The following THSD4 variants were observed in gnomAD, a reference collection of about 807,000 sequenced individuals.
THSD4 encodes the protein thrombospondin type-1 domain-containing protein 4.
Under a neutral mutation model 119.0 loss-of-function variants are expected in THSD4, and 69 were observed. The observed-to-expected ratio is 0.58, with a 90% CI of 0.48 to 0.71. The LOEUF is 0.71. THSD4 is among the 30% of genes least tolerant of loss of function. The pLI, the probability that THSD4 is intolerant of heterozygous loss-of-function variation, is 0.00. For missense variants in THSD4, 1,393 were observed against 1,391.1 expected (o/e 1.00, Z -0.02); for synonymous variants, 524 against 540.4 (o/e 0.97, Z 0.42).
intron 17 of THSD4, among the ~76,000 whole-genome samples, chr15:71,776,649 A>C (rs984516218): frequency 6.6e-6 from 1 of 152,206 alleles, no homozygotes; most frequent in Non-Finnish European, 1.5e-5. Context: ...GCCCAGGCAG[A>C]GGATGGTAAC....
At chr15:71,407,380 C>T (rs928624879) in intron 6 of THSD4, among the ~76,000 whole-genome samples, 4 of 152,136 alleles carry the variant, frequency 2.6e-5, no homozygotes, top group Non-Finnish European at 5.9e-5. Flanking sequence ...TTCTGCTTTC[C>T]GGTTTCCTAA....
chr15:71,604,943 A>G (rs72740639), intron 7 of THSD4, among the ~76,000 whole-genome samples: 2 of 152,088 alleles, frequency 1.3e-5, no homozygotes, highest in Middle Eastern at 3.2e-3. Context: ...TAGGAAATGA[A>G]TGGGGAGTGG....
intron 7 of THSD4, among the ~76,000 whole-genome samples, chr15:71,594,479 G>A (rs2049870101): frequency 1.3e-5 from 2 of 152,128 alleles, no homozygotes; most frequent in Admixed American, 1.3e-4. Flanking sequence ...CTTAGTAGCT[G>A]GGATTTCTGC....
intron 7 of THSD4, among the ~76,000 whole-genome samples, chr15:71,474,001 T>C (rs954075958): frequency 6.6e-6 from 1 of 152,190 alleles, no homozygotes; most frequent in Non-Finnish European, 1.5e-5. Flanking sequence ...CTCTTGATAC[T>C]GACTCCTCAT....
chr15:71,689,502 A>G (rs2051998769), intron 8 of THSD4, among the ~76,000 whole-genome samples: 1 of 152,178 alleles, frequency 6.6e-6, no homozygotes, highest in South Asian at 2.1e-4. Context: ...GCCTCCATAT[A>G]CAGAATAAGC....
At chr15:71,273,354 A>G (rs1159903975) in intron 6 of THSD4, among the ~76,000 whole-genome samples, 1 of 152,228 alleles carries the variant, frequency 6.6e-6, no homozygotes, top group Non-Finnish European at 1.5e-5. Context: ...ACTCAGAAGA[A>G]GAGAGTAGAA....
chr15:71,614,141 T>A (rs1307983532), intron 7 of THSD4, among the ~76,000 whole-genome samples: 1 of 152,216 alleles, frequency 6.6e-6, no homozygotes, highest in Non-Finnish European at 1.5e-5. Flanking sequence ...CATTTTTCTG[T>A]CTGTCCCAGG....
At chr15:71,216,495 C>G (rs1009006136) in intron 4 of THSD4, among the ~76,000 whole-genome samples, 1 of 152,228 alleles carries the variant, frequency 6.6e-6, no homozygotes, top group African/African-American at 2.4e-5. Flanking sequence ...GCCACATGCT[C>G]TTTACCTGGT....
At chr15:71,363,177 T>C (rs546676272) in intron 6 of THSD4, among the ~76,000 whole-genome samples, 1 of 152,298 alleles carries the variant, frequency 6.6e-6, no homozygotes, top group African/African-American at 2.4e-5. Flanking sequence ...ATTGACTATT[T>C]TAGACTGTAG....
chr15:71,603,892 G>A (rs2050059778), intron 7 of THSD4, among the ~76,000 whole-genome samples: 1 of 152,184 alleles, frequency 6.6e-6, no homozygotes, highest in South Asian at 2.1e-4. Flanking sequence ...ATCCAGGCAT[G>A]AGTTAAGGAG....
At chr15:71,242,145 T>C (rs1343821471) in intron 4 of THSD4, among the ~76,000 whole-genome samples, 1 of 152,094 alleles carries the variant, frequency 6.6e-6, no homozygotes, top group Non-Finnish European at 1.5e-5. Flanking sequence ...TTCCATTACG[T>C]AGAAAAGCTC....
At chr15:71,373,469 C>G (rs900932331) in intron 6 of THSD4, among the ~76,000 whole-genome samples, 1 of 152,132 alleles carries the variant, frequency 6.6e-6, no homozygotes, top group African/African-American at 2.4e-5. Context: ...ATCCCGGTGG[C>G]TGAAACAAAG....
intron 6 of THSD4, among the ~76,000 whole-genome samples, chr15:71,306,455 C>A (rs548811236): frequency 6.6e-6 from 1 of 151,764 alleles, no homozygotes. Flanking sequence ...TATCTTTCTT[C>A]AAAGCCTGTG....
At chr15:71,203,040 G>T (rs1179667009) in intron 3 of THSD4, among the ~76,000 whole-genome samples, 5 of 152,180 alleles carry the variant, frequency 3.3e-5, no homozygotes, top group Admixed American at 6.5e-5. Context: ...ATGGAGAAGG[G>T]TGTGTAATGG....
intron 6 of THSD4, among the ~76,000 whole-genome samples, chr15:71,407,706 G>GTGA: frequency 6.6e-6 from 1 of 151,870 alleles, no homozygotes; most frequent in African/African-American, 2.4e-5. Context: ...TTTAAATTCA[G>GTGA]GCGTGGGATC....
At chr15:71,326,622 CGA>C (rs1333281810) in intron 6 of THSD4, among the ~76,000 whole-genome samples, 2 of 128,102 alleles carry the variant, frequency 1.6e-5, no homozygotes, top group African/African-American at 5.8e-5. Flanking sequence ...TGCAGTGAGC[CGA>C]GATCACGCCA....
At chr15:71,633,269 CTTTTTTTT>C (rs67682951) in intron 7 of THSD4, among the ~76,000 whole-genome samples, 3 of 63,162 alleles carry the variant, frequency 4.7e-5, no homozygotes, top group Non-Finnish European at 5.9e-5. Flanking sequence ...TTCTTTCTTT[CTTTTTTTT>C]TTTTTTTTTT....
intron 17 of THSD4, among the ~76,000 whole-genome samples, chr15:71,776,057 C>T (rs865891749): frequency 6.6e-6 from 1 of 152,214 alleles, no homozygotes; most frequent in African/African-American, 2.4e-5. Context: ...ACATACCATA[C>T]ACTCCACAAA....
At chr15:71,626,972 A>G (rs532905038) in intron 7 of THSD4, among the ~76,000 whole-genome samples, 10 of 152,324 alleles carry the variant, frequency 6.6e-5, no homozygotes, top group African/African-American at 2.2e-4. Flanking sequence ...TCTACGTCTA[A>G]TATTTGAGGA....
Sources: allele counts gnomAD v4.1 joint callset (sites outside exome capture counted in the v4.1 genomes callset), GRCh38; gene constraint gnomAD v4.1.1; transcripts MANE v1.5; gene names NCBI Gene and HGNC (gene_info 2026-07-23, HGNC 2026-07-21).